PRKN: variants seen among roughly 807,000 people sequenced by gnomAD.
The protein encoded by PRKN is parkin RBR E3 ubiquitin protein ligase.
A neutral mutation model predicts 59.5 loss-of-function variants in PRKN; 56 were observed. The observed-to-expected ratio is 0.94, with a 90% CI of 0.76 to 1.18. The LOEUF (loss-of-function observed/expected upper bound fraction) is 1.18, where lower values mean the gene tolerates loss of function less well. PRKN is among the 50% of genes most tolerant of loss of function. The pLI is 0.00. For missense variants in PRKN, 657 were observed against 596.4 expected, an observed-to-expected ratio of 1.10 and a Z score of -1.06; for synonymous variants, 250 against 222.1, an observed-to-expected ratio of 1.13 and a Z score of -1.12.
chr6:162,200,371 G>T (rs1039002861), intron 4 of PRKN, among the ~76,000 whole-genome samples: 1 of 152,096 alleles, frequency 6.6e-6, no homozygotes, highest in Admixed American at 6.6e-5. Flanking sequence ...GGCTTTGTAG[G>T]CCACCCAGTC....
At chr6:162,610,137 T>C (rs1252781056) in intron 1 of PRKN, among the ~76,000 whole-genome samples, 1 of 152,324 alleles carries the variant, frequency 6.6e-6, no homozygotes, top group South Asian at 2.1e-4. Context: ...TTATAAATGC[T>C]CTGCAAATAT....
At chr6:162,275,177 T>C (rs1780578065) in intron 2 of PRKN, 1 of 152,098 alleles carries the variant, frequency 6.6e-6, no homozygotes, top group Non-Finnish European at 1.5e-5. Flanking sequence ...AGGGTGCTGC[T>C]TTGTTCTTCA....
rs571581826 is a variant in PRKN, at chr6:162,361,828, C to G, written c.171+81482G>C. Among the ~76,000 whole-genome samples, 44 of 152,234 alleles carry G rather than the reference C, an allele frequency of 2.9e-4. No homozygotes were observed. In the South Asian group the frequency reaches 8.5e-3, roughly 29 times the overall value. On this transcript the variant is annotated intron_variant, in intron 2 of 11. Transcript: ENST00000366898. ...CACGTACTTCCAGTCTCTGTAAATA[C>G]GTGCAGCCTGATATCAAAGCAAACC...
chr6:162,607,493 G>A (rs1405614006), intron 1 of PRKN, among the ~76,000 whole-genome samples: 1 of 151,946 alleles, frequency 6.6e-6, no homozygotes, highest in East Asian at 1.9e-4. Flanking sequence ...TACTGCCAAG[G>A]TGGGAAGAGA....
In PRKN at chr6:161,690,161, C is replaced by T. The variant is rs556571808; in HGVS notation, c.871+95611G>A. Among the ~76,000 whole-genome samples the T allele has an allele frequency of 2.6e-5, 4 of 152,228 alleles. No homozygotes were observed. In the South Asian group the frequency reaches 6.2e-4, roughly 24 times the overall value. On this transcript the variant is annotated intron_variant, in intron 7 of 11. Transcript: ENST00000366898. ...ACATGAGGTCATTATAGGGAGACAC[C>T]ACTCTGTGCCTTGGTGTGAGTCCCC...
intron 4 of PRKN, among the ~76,000 whole-genome samples, chr6:162,068,140 T>C (rs1009493022): frequency 1.4e-4 from 22 of 152,336 alleles, no homozygotes; most frequent in African/African-American, 5.3e-4. Flanking sequence ...TGTACGGACA[T>C]ACATTTTTAG....
rs1790886992 is a variant in PRKN at position 161,473,342 on chromosome 6, A to G, written c.1083+75512T>C. Reference sequence around the variant, plus strand: ...GAGCATTATATATATAGATACCTATATATCCATAAATTTATTTATATACAT... The same window carrying G: ...GAGCATTATATATATAGATACCTATGTATCCATAAATTTATTTATATACAT... On this transcript the variant is annotated intron_variant, in intron 9 of 11. Coordinates refer to ENST00000366898, the MANE Select transcript of PRKN (RefSeq NM_004562.3). The surrounding 1 kb of genome is among the most constrained non-coding windows in gnomAD (Gnocchi z 4.1). 6.6e-6 allele frequency among the ~76,000 whole-genome samples: 1 copy of G among 150,466 alleles called. No individual in the cohort carries two copies. Among genetic ancestry groups the G allele is most frequent in the Non-Finnish European group, 1.5e-5 (1 of 67,680 alleles).
At chr6:161,632,815 T>G (rs1217477482) in intron 7 of PRKN, among the ~76,000 whole-genome samples, 1 of 152,124 alleles carries the variant, frequency 6.6e-6, no homozygotes, top group Non-Finnish European at 1.5e-5. Context: ...GGATACCCCT[T>G]ATAAAACCAA....
At chr6:162,242,942 T>G (rs1351864709) in intron 3 of PRKN, among the ~76,000 whole-genome samples, 3 of 152,052 alleles carry the variant, frequency 2.0e-5, no homozygotes, top group Non-Finnish European at 2.9e-5. Flanking sequence ...AATAGAATAA[T>G]TAGACATGTT....
intron 5 of PRKN, among the ~76,000 whole-genome samples, chr6:162,041,113 A>T (rs759833818): frequency 2.6e-5 from 4 of 152,070 alleles, no homozygotes; most frequent in Non-Finnish European, 5.9e-5. Flanking sequence ...TGAACCTAGG[A>T]GGCAGGGGTT....
intron 7 of PRKN, among the ~76,000 whole-genome samples, chr6:161,744,543 G>A (rs1016929717): frequency 4.6e-5 from 7 of 152,168 alleles, no homozygotes; most frequent in Non-Finnish European, 8.8e-5. Flanking sequence ...CCCTGCCCTA[G>A]AGACTATATT....
intron 7 of PRKN, among the ~76,000 whole-genome samples, chr6:161,703,835 CTCTCTTTTTTTTTTTTTTTTTTTTTT>C (rs911695209): frequency 7.1e-5 from 9 of 126,444 alleles, no homozygotes; most frequent in Admixed American, 3.3e-4. Flanking sequence ...CTCTCTCTCT[CTCTCTTTTTTTTTTTTTTTTTTTTTT>C]TTTTTTTTTT....
At chr6:161,993,814 C>T (rs1781739309) in intron 5 of PRKN, among the ~76,000 whole-genome samples, 1 of 152,156 alleles carries the variant, frequency 6.6e-6, no homozygotes, top group Non-Finnish European at 1.5e-5. Context: ...CAGGCTGCTT[C>T]CAACCACAGC....
In PRKN at chr6:162,257,521, C is replaced by T. The variant is rs568837187; in HGVS notation, c.412+5004G>A. Among the ~76,000 whole-genome samples the T allele has an allele frequency of 3.9e-5, 6 of 152,220 alleles. No homozygotes were observed. In the South Asian group the frequency reaches 1.2e-3, roughly 32 times the overall value. On this transcript the variant is annotated intron_variant, in intron 3 of 11. Transcript: ENST00000366898. ...AAAACACAGGCTACTGGATATTTTACATAAGCTCTGAAGTGAGACGGTCCC... is the reference window on the plus strand; with the variant it reads ...AAAACACAGGCTACTGGATATTTTATATAAGCTCTGAAGTGAGACGGTCCC...
rs542537410 is a variant in PRKN, at chr6:162,334,759, C to A, written c.172-71994G>T. Among the ~76,000 whole-genome samples the A allele has an allele frequency of 2.6e-5, 4 of 152,232 alleles. No homozygotes were observed. The South Asian group carries it at 6.2e-4, about 24-fold the overall frequency. Reference sequence around the variant, plus strand: ...GGAGCTTGGCAAAGATCTTTGAAAACCTTCTGGAAAGGATTCCTCATCCTA... The same window carrying A: ...GGAGCTTGGCAAAGATCTTTGAAAAACTTCTGGAAAGGATTCCTCATCCTA... On this transcript the variant is annotated intron_variant, in intron 2 of 11. Transcript: ENST00000366898.
At chr6:161,664,771 T>C (rs927489916) in intron 7 of PRKN, among the ~76,000 whole-genome samples, 2 of 149,448 alleles carry the variant, frequency 1.3e-5, no homozygotes, top group Admixed American at 1.3e-4. Flanking sequence ...CTTATTTTAT[T>C]AAAAACAACA....
chr6:162,508,058 G>A (rs56387691), intron 1 of PRKN, among the ~76,000 whole-genome samples: 53,220 of 152,042 alleles, frequency 0.35, 9,879 homozygotes, highest in Middle Eastern at 0.4. Context: ...AAAGAAAGTG[G>A]TTTAATTGGA....
At chr6:162,511,093 T>A (rs1280123989) in intron 1 of PRKN, among the ~76,000 whole-genome samples, 1 of 152,194 alleles carries the variant, frequency 6.6e-6, no homozygotes, top group East Asian at 1.9e-4. Flanking sequence ...TAATATTTTT[T>A]CATGATTGAG....
chr6:162,593,499 G>C (rs1202345877), intron 1 of PRKN, among the ~76,000 whole-genome samples: 1 of 152,036 alleles, frequency 6.6e-6, no homozygotes, highest in African/African-American at 2.4e-5. Flanking sequence ...CATCTCTCTG[G>C]ACTTTACACA....
Sources: allele counts gnomAD v4.1 joint callset (sites outside exome capture counted in the v4.1 genomes callset), GRCh38; gene constraint gnomAD v4.1.1; non-coding constraint Gnocchi (gnomAD v3.1); transcripts MANE v1.5; gene names NCBI Gene and HGNC (gene_info 2026-07-23, HGNC 2026-07-21).